CKAP5: variants seen among roughly 807,000 people sequenced by gnomAD.
CKAP5 encodes cytoskeleton-associated protein 5.
In CKAP5, 27 loss-of-function variants were observed where a neutral mutation model predicts 232.8. The observed-to-expected ratio is 0.12, with a 90% CI of 0.09 to 0.16. The LOEUF (loss-of-function observed/expected upper bound fraction) is 0.16. CKAP5 is among the 10% of genes least tolerant of loss of function. The probability of loss-of-function intolerance (pLI) is 1.00; values close to 1 mark genes in which losing one functional copy is unlikely to be tolerated. For synonymous variants in CKAP5, 785 were observed against 841.1 expected, an observed-to-expected ratio of 0.93 and a Z score of 1.16; for missense variants, 1,838 against 2,424.7, an observed-to-expected ratio of 0.76 and a Z score of 5.08.
Position 46,751,231 on chromosome 11 carries a change from C to A in CKAP5, c.5347G>T (p.Asp1783Tyr), listed in dbSNP as rs781759452. The change falls in exon 40 of 44, where the codon GAC (aspartate) becomes TAC (tyrosine). Residue 1783 changes from aspartate (D) to tyrosine (Y), a missense_variant. Around this residue, in one of 6 missense-constraint regions of CKAP5, gnomAD observed 579 missense variants for 843.2 expected, o/e 0.69. Transcript: ENST00000529230. ...TCCAGCTCAGACTCGTTTTTGTTGT[C>A]GATCATCGTTAGGTGGTCCAGGATC... is the stretch of plus-strand genomic sequence containing the variant. ...PKILDHLTMI[D>Y]NKNESELEAH... 4 of 1,613,966 alleles carry A rather than the reference C, an allele frequency of 2.5e-6. No individual in the cohort carries two copies. The highest frequency in any genetic ancestry group is 2.5e-6 in the Non-Finnish European group (3 of 1,180,032).
intron 4 of CKAP5, among the ~76,000 whole-genome samples, chr11:46,812,783 G>A (rs549761154): frequency 6.6e-6 from 1 of 151,984 alleles, no homozygotes; most frequent in South Asian, 2.1e-4. Flanking sequence ...GACTACAGAG[G>A]GGCACCACCA....
At chr11:46,788,613 T>C in intron 16 of CKAP5, 68 bp downstream of exon 16, 1 of 930,142 alleles carries the variant, frequency 1.1e-6, no homozygotes. Context: ...TTCTGCTGTA[T>C]TACTCCATAG....
chr11:46,841,658 T>C (rs990490899), intron 1 of CKAP5, among the ~76,000 whole-genome samples: 1 of 152,158 alleles, frequency 6.6e-6, no homozygotes, highest in South Asian at 2.1e-4. Flanking sequence ...TCCAACTGCC[T>C]GGGAGTTGGT....
chr11:46,794,217 G>A (rs1938813494), intron 13 of CKAP5, among the ~76,000 whole-genome samples: 1 of 152,220 alleles, frequency 6.6e-6, no homozygotes, highest in East Asian at 1.9e-4. Context: ...AGGAATTTGG[G>A]AGGCGGAGGC....
At chr11:46,751,617 C>T in intron 38 of CKAP5, 83 bp from the exon 39 acceptor site, 1 of 1,196,728 alleles carries the variant, frequency 8.4e-7, no homozygotes, top group East Asian at 2.3e-5. Flanking sequence ...AAGCTTTGAG[C>T]TCACTTCTAA....
Position 46,793,768 on chromosome 11 carries a change from GA to G in CKAP5, c.1650+1825del, listed in dbSNP as rs575678485. Reference sequence around the variant, plus strand: ...CAAAACCCCATCTCTACTAAAAATAGAAAAAATTAGCTGGGCATGGTGGCAG... The same window carrying G: ...CAAAACCCCATCTCTACTAAAAATAGAAAAATTAGCTGGGCATGGTGGCAG... On this transcript the variant is annotated intron_variant, in intron 13 of 43. Transcript: ENST00000529230. Among the ~76,000 whole-genome samples the G allele has an allele frequency of 2.8e-3, 419 of 152,008 alleles. 2 individuals are homozygous for G. Among genetic ancestry groups the G allele is most frequent in the African/African-American group, 9.6e-3 (397 of 41,478 alleles).
chr11:46,744,126 G>C lies in CKAP5; in HGVS notation c.5996C>G (p.Ser1999Cys), dbSNP rs776422415. The change falls in exon 44 of 44, where the codon TCT becomes TGT. Residue 1999 changes from serine to cysteine, a missense_variant. By Grantham distance (112) the Ser-to-Cys change is moderately radical. Around this residue, in one of 6 missense-constraint regions of CKAP5, gnomAD observed 62 missense variants for 61.1 expected, o/e 1.01. Coordinates refer to ENST00000529230, the MANE Select transcript of CKAP5 (RefSeq NM_001008938.4). ...AGTTCCTGAAGAGTGAGTCTGGTTA[G>C]AATCCAGGTCTGAATGCTGGTGCTG... ...REQHQHSDLDSNQTHSSGTVT... is the reference protein window; with the variant it reads ...REQHQHSDLDCNQTHSSGTVT... 9.9e-5 allele frequency: 160 copies of C among 1,614,122 alleles called. 1 individual carries two copies. Among genetic ancestry groups the C allele is most frequent in the East Asian group, 5.3e-4 (24 of 44,888 alleles).
Position 46,763,522 on chromosome 11 carries a change from C to A in CKAP5, c.3646G>T (p.Asp1216Tyr), listed in dbSNP as rs2065174545. 2 of 1,603,474 alleles carry A rather than the reference C, an allele frequency of 1.2e-6. No individual in the cohort carries two copies. Among genetic ancestry groups the A allele is most frequent in the Admixed American group, 1.8e-5 (1 of 56,378 alleles). ...KWLQDEMFHS[D>Y]FQHHNKALAV... ...AGGGCTTTGTTATGATGCTGAAAGT[C>A]TGAGTGAAACATCTCATCTTGTAAC... is the stretch of plus-strand genomic sequence containing the variant. Residue 1216 changes from aspartate (D) to tyrosine (Y), a missense_variant, in exon 29 of 44, where the codon GAC becomes TAC. Transcript: ENST00000529230.
chr11:46,831,778 T>C (rs1408765521), intron 1 of CKAP5, among the ~76,000 whole-genome samples: 1 of 151,878 alleles, frequency 6.6e-6, no homozygotes, highest in Non-Finnish European at 1.5e-5. Flanking sequence ...GCAGTCCTCC[T>C]GCCTCAGCCT....
At position 46,790,096 on chromosome 11, in the gene CKAP5, A is replaced by G; in HGVS notation, c.1855T>C (p.Cys619Arg). Residue 619 changes from cysteine to arginine, a missense_variant, in exon 15 of 44, where the codon TGT becomes CGT. Physicochemically the swap from Cys to Arg is radical, Grantham distance 180 (BLOSUM62 -3). Around this residue, in one of 6 missense-constraint regions of CKAP5, gnomAD observed 767 missense variants for 954.6 expected, o/e 0.80. Transcript: ENST00000529230. Reference protein sequence around the residue: ...DSSNWKERLACMEEFQKAVEL... With the variant: ...DSSNWKERLARMEEFQKAVEL... ...ACTACCTTCTGGAACTCTTCCATAC[A>G]AGCCAGCCTTTCTTTCCAGTTACTG... 1 of 1,611,366 alleles carries G rather than the reference A, an allele frequency of 6.2e-7. No homozygotes were observed. The highest frequency in any genetic ancestry group is 1.1e-5 in the South Asian group (1 of 90,842).
At chr11:46,835,634 C>T in intron 1 of CKAP5, among the ~76,000 whole-genome samples, 1 of 152,132 alleles carries the variant, frequency 6.6e-6, no homozygotes, top group East Asian at 1.9e-4. Context: ...CCAATACACA[C>T]TCACACATAC....
chr11:46,780,115 G>T, intron 20 of CKAP5, 79 bp downstream of exon 20: 1 of 1,472,676 alleles, frequency 6.8e-7, no homozygotes, highest in Non-Finnish European at 9.4e-7. Flanking sequence ...CTACAGGCGT[G>T]CACCACTACA....
intron 4 of CKAP5, among the ~76,000 whole-genome samples, chr11:46,813,685 G>C (rs555349442): frequency 4.1e-4 from 62 of 152,164 alleles, no homozygotes; most frequent in African/African-American, 1.4e-3. Flanking sequence ...GACAAATAAA[G>C]AACCACACAG....
At chr11:46,831,592 A>C (rs1939794875) in intron 1 of CKAP5, among the ~76,000 whole-genome samples, 1 of 152,096 alleles carries the variant, frequency 6.6e-6, no homozygotes, top group Non-Finnish European at 1.5e-5. Flanking sequence ...ATGGTGGTGC[A>C]ATAACTGCTC....
chr11:46,795,700 T>C lies in CKAP5; in HGVS notation c.1544A>G (p.Lys515Arg), dbSNP rs1938855098. Residue 515 changes from lysine to arginine, a missense_variant, in exon 13 of 44, where the codon AAA (lysine) becomes AGA (arginine). By Grantham distance (26) the Lys-to-Arg change is conservative. Around this residue, in one of 6 missense-constraint regions of CKAP5, gnomAD observed 767 missense variants for 954.6 expected, o/e 0.80. Transcript: ENST00000529230. ...AGLAADKKEF[K>R]PLPGRTAASG... ...AGCAGCAGTCCTTCCAGGCAGAGGTTTGAATTCCTTCTTATCAGCAGCTAG... is the reference window on the plus strand; with the variant it reads ...AGCAGCAGTCCTTCCAGGCAGAGGTCTGAATTCCTTCTTATCAGCAGCTAG... 2 of 1,613,762 alleles carry C rather than the reference T, an allele frequency of 1.2e-6. No homozygotes were observed. Among genetic ancestry groups the C allele is most frequent in the South Asian group, 1.1e-5 (1 of 91,076 alleles).
intron 16 of CKAP5, among the ~76,000 whole-genome samples, chr11:46,787,880 A>G (rs1267476275): frequency 6.6e-6 from 1 of 152,152 alleles, no homozygotes; most frequent in East Asian, 1.9e-4. Flanking sequence ...CACTCCTGAA[A>G]CAGCAAGACA....
At position 46,751,391 on chromosome 11, in the gene CKAP5, G is replaced by T. The variant is rs749691034; in HGVS notation, c.5277C>A (p.Thr1759=). 1 of 1,613,972 alleles carries T rather than the reference G, an allele frequency of 6.2e-7. No individual in the cohort carries two copies. Among genetic ancestry groups the T allele is most frequent in the Admixed American group, 1.7e-5 (1 of 59,982 alleles). The change falls in exon 39 of 44, where the codon ACC becomes ACA. Residue 1759 remains threonine (T), a synonymous_variant. Coordinates refer to ENST00000529230, the MANE Select transcript of CKAP5 (RefSeq NM_001008938.4). The part of the protein sequence containing the change: ...KQCKSEFPIR[T]LKTLLHTLCK... ...ATAAGGTGTGTAGCAGGGTCTTTAG[G>T]GTCCTTATGGGAAATTCACTTTTGC...
chr11:46,814,597 G>A (rs1225254175), intron 4 of CKAP5, among the ~76,000 whole-genome samples: 1 of 152,172 alleles, frequency 6.6e-6, no homozygotes, highest in Non-Finnish European at 1.5e-5. Context: ...GATATAGACA[G>A]TACTTGGGGA....
At chr11:46,800,407 G>A (rs1939000396) in intron 9 of CKAP5, among the ~76,000 whole-genome samples, 1 of 152,152 alleles carries the variant, frequency 6.6e-6, no homozygotes, top group South Asian at 2.1e-4. Context: ...ATGGACACAT[G>A]ACTAGGGACT....
Sources: gnomAD v4.1 joint callset for allele counts (sites outside exome capture counted in the v4.1 genomes callset) on GRCh38, gnomAD v4.1.1 for gene constraint, gnomAD v4.1.1 regional missense constraint, MANE v1.5 for transcripts, NCBI Gene and HGNC (gene_info 2026-07-23, HGNC 2026-07-21) for gene names.